NOL8: variants seen among roughly 807,000 people sequenced by gnomAD.
NOL8 encodes nucleolar protein Nop132.
NOL8 carries 93 observed loss-of-function variants against 116.1 expected under a neutral mutation model. The ratio of observed to expected loss-of-function variants is 0.80; its 90% CI spans 0.68 to 0.95. The LOEUF is 0.95. Among genes scored for constraint, NOL8 ranks in the 40% least tolerant of loss-of-function variants. The pLI is 0.00. For missense variants in NOL8, 1,291 were observed against 1,382.8 expected (o/e 0.93, Z 1.05); for synonymous variants, 419 against 469.0 (o/e 0.89, Z 1.38).
chr9:92,318,033 C>CAAAAAAAA (rs745928872), intron 6 of NOL8, among the ~76,000 whole-genome samples: 1 of 34,604 alleles, frequency 2.9e-5, no homozygotes, highest in Non-Finnish European at 5.4e-5. Context: ...GACTCCATCT[C>CAAAAAAAA]AAAAAAAAAA....
chr9:92,299,199 A>G (rs891149067), intron 14 of NOL8, among the ~76,000 whole-genome samples: 4 of 152,258 alleles, frequency 2.6e-5, no homozygotes, highest in Middle Eastern at 3.4e-3. Context: ...TTGATAATGA[A>G]GACTTGTTTA....
intron 5 of NOL8, 200 bp from the exon 6 acceptor site, chr9:92,318,886 A>G: frequency 7.2e-6 from 4 of 556,216 alleles, no homozygotes; most frequent in Non-Finnish European, 1.2e-5. Flanking sequence ...AGCAGCTATC[A>G]ATCCCAAGTA....
chr9:92,308,888 G>C lies in NOL8; in HGVS notation c.2686+1283C>G, dbSNP rs373279353. The C allele has an allele frequency of 9.2e-5, 14 of 152,196 alleles. No individual in the cohort carries two copies. In the East Asian group the frequency reaches 1.7e-3, roughly 19 times the overall value. 9.4% of individuals were successfully genotyped at this position (152,196 alleles called of 1,614,324 possible). ...AACAGACAAAATTGGCAGAAGTTAA[G>C]AAAATAACCTATGTACCTTCTAAAT... On this transcript the variant is annotated intron_variant, in intron 10 of 16. Transcript: ENST00000442668.
intron 6 of NOL8, 141 bp downstream of exon 6, chr9:92,318,477 A>G: frequency 1.6e-6 from 1 of 637,820 alleles, no homozygotes; most frequent in Admixed American, 3.5e-5. Context: ...ATTGTTTCAT[A>G]CATGTAGGTG....
rs1213981788 is a variant in NOL8 at position 92,311,149 on chromosome 9, C to A, written c.2469G>T (p.Val823=). The part of the protein sequence containing the change: ...QEQSHPGEEW[V]KESMGKTSGK... ...AGAGACATCCTGAACTTCTTACTTT[C>A]ACCCATTCCTCTCCTGGATGGCTCT... Residue 823 remains valine (V), a synonymous_variant, in exon 8 of 17, where the codon GTG becomes GTT. Coordinates refer to ENST00000442668, the MANE Select transcript of NOL8 (RefSeq NM_017948.6). 6.2e-7 allele frequency: 1 copy of A among 1,610,036 alleles called. No homozygotes were observed. The highest frequency in any genetic ancestry group is 1.3e-5 in the African/African-American group (1 of 74,934).
chr9:92,318,903 G>T, intron 5 of NOL8: 1 of 527,952 alleles, frequency 1.9e-6, no homozygotes, highest in Non-Finnish European at 3.3e-6. Context: ...AGTAAACCGT[G>T]TAAGATGGTT....
At chr9:92,310,866 G>A (rs1380090360) in intron 8 of NOL8, 191 bp from the exon 9 acceptor site, 3 of 614,578 alleles carry the variant, frequency 4.9e-6, no homozygotes, top group Non-Finnish European at 8.3e-6. Context: ...TAATCCAGAG[G>A]CTCTCCAGTG....
intron 7 of NOL8, among the ~76,000 whole-genome samples, chr9:92,311,984 TGTG>T (rs1838837966): frequency 6.6e-6 from 1 of 152,010 alleles, no homozygotes; most frequent in Non-Finnish European, 1.5e-5. Context: ...ATAAAGAAAA[TGTG>T]GTACACATGC....
chr9:92,311,828 G>A (rs918428106), intron 7 of NOL8, among the ~76,000 whole-genome samples: 5 of 152,174 alleles, frequency 3.3e-5, no homozygotes, highest in Non-Finnish European at 7.3e-5. Context: ...ACTATCATTT[G>A]ACCTACAACC....
At chr9:92,320,749 G>C (rs1413559544) in intron 4 of NOL8, among the ~76,000 whole-genome samples, 1 of 152,092 alleles carries the variant, frequency 6.6e-6, no homozygotes, top group African/African-American at 2.4e-5. Flanking sequence ...TGGGATTACA[G>C]GAGCCCATGA....
intron 3 of NOL8, chr9:92,323,160 A>G: frequency 1.9e-6 from 1 of 526,602 alleles, no homozygotes; most frequent in Admixed American, 3.6e-5. Context: ...AGTGGGATAT[A>G]TGTAACAGGC....
intron 10 of NOL8, among the ~76,000 whole-genome samples, chr9:92,307,985 T>A (rs1756723152): frequency 6.6e-6 from 1 of 152,246 alleles, no homozygotes; most frequent in South Asian, 2.1e-4. Context: ...AACATCAATT[T>A]AAATTTTAAT....
rs781190099 is a variant in NOL8 at position 92,310,232 on chromosome 9, G to A, written c.2625C>T (p.Thr875=). The A allele has an allele frequency of 4.3e-5, 69 of 1,609,616 alleles. No homozygotes were observed. Among genetic ancestry groups the A allele is most frequent in the Non-Finnish European group, 4.9e-5 (58 of 1,178,164 alleles). The change falls in exon 10 of 17, where the codon ACC becomes ACT. Residue 875 remains threonine (T), a synonymous_variant. Coordinates refer to ENST00000442668, the MANE Select transcript of NOL8 (RefSeq NM_017948.6). ...KLMDLQSHFG[T]DDRFRMDSRF... ...GAGAGTCCATGCGGAATCTGTCATC[G>A]GTGCCAAAGTGCGACTGTAAATCCA... is the stretch of plus-strand genomic sequence containing the variant.
Position 92,298,915 on chromosome 9 carries a change from G to A in NOL8, c.3342C>T (p.Phe1114=). 1 of 1,536,914 alleles carries A rather than the reference G, an allele frequency of 6.5e-7. No homozygotes were observed. Among genetic ancestry groups the A allele is most frequent in the African/African-American group, 1.4e-5 (1 of 72,704 alleles). ...SLLEKETTRF[F]FFSKNDERLQ... ...GTCGTTCATCATTCTTAGAGAAAAA[G>A]AAAAATCTAGTGGTCTCTTTCTCAA... The change falls in exon 15 of 17, where the codon TTC becomes TTT. Residue 1114 remains phenylalanine (F), a synonymous_variant. Coordinates refer to ENST00000442668, the MANE Select transcript of NOL8 (RefSeq NM_017948.6).
intron 12 of NOL8, among the ~76,000 whole-genome samples, 197 bp downstream of exon 12, chr9:92,305,556 G>C (rs1361786502): frequency 2.0e-5 from 3 of 152,084 alleles, no homozygotes; most frequent in Non-Finnish European, 4.4e-5. Context: ...ATCATTTATA[G>C]ATTCCTCTGT....
At chr9:92,300,751 T>C (rs1837663048) in intron 13 of NOL8, 1 of 1,195,644 alleles carries the variant, frequency 8.4e-7, no homozygotes, top group Non-Finnish European at 1.1e-6. Flanking sequence ...GAGTTGGTAT[T>C]ATCTGCTAGT....
At chr9:92,316,833 C>G (rs1391810448) in intron 6 of NOL8, among the ~76,000 whole-genome samples, 1 of 152,084 alleles carries the variant, frequency 6.6e-6, no homozygotes, top group African/African-American at 2.4e-5. Context: ...TAAATCTTTA[C>G]CAGGCCTATG....
At chr9:92,319,794 C>A in intron 4 of NOL8, 1 of 324,564 alleles carries the variant, frequency 3.1e-6, no homozygotes, top group Admixed American at 4.3e-5. Context: ...ATTGACCAGT[C>A]CCTTACCACC....
Position 92,297,720 on chromosome 9 carries a change from G to C in NOL8, c.*116C>G. 2 of 743,218 alleles carry C rather than the reference G, an allele frequency of 2.7e-6. No homozygotes were observed. Among genetic ancestry groups the C allele is most frequent in the Non-Finnish European group, 4.3e-6 (2 of 465,194 alleles). 46.0% of individuals were successfully genotyped at this position (743,218 alleles called of 1,614,324 possible). A position where few individuals can be genotyped will look rare whatever the true frequency, so the allele number is the denominator to read the frequency against. On this transcript the variant is annotated 3_prime_UTR_variant, in exon 17 of 17. Transcript: ENST00000442668. ...AACCAGAATGATATTCCGTCAGCCAGATTTTTAAAATTCCTTCACTCTGAA... is the reference window on the plus strand; with the variant it reads ...AACCAGAATGATATTCCGTCAGCCACATTTTTAAAATTCCTTCACTCTGAA...
Sources: gnomAD v4.1 joint callset for allele counts (sites outside exome capture counted in the v4.1 genomes callset) on GRCh38, gnomAD v4.1.1 for gene constraint, MANE v1.5 for transcripts, NCBI Gene and HGNC (gene_info 2026-07-23, HGNC 2026-07-21) for gene names.